The following KIAA1328 variants were observed in gnomAD, a reference collection of about 807,000 sequenced individuals.
The protein encoded by KIAA1328 is protein hinderin.
KIAA1328 carries 52 observed loss-of-function variants against 68.1 expected under a neutral mutation model. The observed-to-expected ratio is 0.76, with a 90% CI of 0.61 to 0.96. The LOEUF (loss-of-function observed/expected upper bound fraction) is 0.96, where lower values mean the gene tolerates loss of function less well. KIAA1328 is among the 40% of genes least tolerant of loss of function. The probability of loss-of-function intolerance (pLI) is 0.00; values close to 1 mark genes in which losing one functional copy is unlikely to be tolerated. For synonymous variants in KIAA1328, 232 were observed against 239.4 expected (o/e 0.97, Z 0.28); for missense variants, 641 against 677.6 (o/e 0.95, Z 0.60).
chr18:36,868,755 C>T (rs2047841773), intron 4 of KIAA1328, among the ~76,000 whole-genome samples: 1 of 152,150 alleles, frequency 6.6e-6, no homozygotes, highest in African/African-American at 2.4e-5. Flanking sequence ...CCAGTGAATA[C>T]TTGGGCACTA....
chr18:37,142,474 G>A (rs1048356708), intron 7 of KIAA1328, among the ~76,000 whole-genome samples: 2 of 152,104 alleles, frequency 1.3e-5, no homozygotes, highest in Admixed American at 1.3e-4. Flanking sequence ...GGGATTACAG[G>A]CGTGAGCTAC....
At chr18:37,051,416 A>G (rs527519621) in intron 6 of KIAA1328, among the ~76,000 whole-genome samples, 1 of 152,302 alleles carries the variant, frequency 6.6e-6, no homozygotes, top group East Asian at 1.9e-4. Context: ...AGAGACTACT[A>G]TGAACATCTC....
intron 1 of KIAA1328, among the ~76,000 whole-genome samples, chr18:36,831,780 A>G (rs900064516): frequency 2.0e-5 from 3 of 152,220 alleles, no homozygotes; most frequent in Non-Finnish European, 2.9e-5. Context: ...AGATTAGAGT[A>G]GAATGGGCAG....
chr18:36,993,422 A>G (rs2053267723), intron 6 of KIAA1328, among the ~76,000 whole-genome samples: 1 of 152,248 alleles, frequency 6.6e-6, no homozygotes, highest in Admixed American at 6.5e-5. Context: ...ATCTCTGAAT[A>G]TAATACAAAT....
intron 7 of KIAA1328, among the ~76,000 whole-genome samples, chr18:37,126,379 A>G (rs770725069): frequency 3.9e-5 from 6 of 152,168 alleles, no homozygotes; most frequent in Non-Finnish European, 7.4e-5. Flanking sequence ...AAAGACAAAA[A>G]CTACCAAAAG....
In KIAA1328 at chr18:37,100,055, G is replaced by A. The variant is rs370441147; in HGVS notation, c.1232+32510G>A. 2.0e-5 allele frequency among the ~76,000 whole-genome samples: 3 copies of A among 152,114 alleles called. No individual in the cohort carries two copies. The East Asian group carries it at 5.8e-4, about 29-fold the overall frequency. On this transcript the variant is annotated intron_variant, in intron 7 of 9. Transcript: ENST00000280020. Reference sequence around the variant, plus strand: ...ATTTGCCAGTCTGTGTCTTTTAATTGGAGCATTTAGCCCTCCAGTCTACAG... The same window carrying A: ...ATTTGCCAGTCTGTGTCTTTTAATTAGAGCATTTAGCCCTCCAGTCTACAG...
chr18:37,053,121 CATGAT>C (rs1431654045), intron 6 of KIAA1328, among the ~76,000 whole-genome samples: 2 of 152,154 alleles, frequency 1.3e-5, no homozygotes, highest in African/African-American at 4.8e-5. Context: ...ATCAGAATAG[CATGAT>C]ACTAGTACAA....
intron 9 of KIAA1328, among the ~76,000 whole-genome samples, chr18:37,221,168 C>G (rs2060555855): frequency 1.3e-5 from 2 of 152,148 alleles, no homozygotes; most frequent in African/African-American, 2.4e-5. Context: ...TGCACTTACC[C>G]TTTCTGAAAA....
chr18:37,096,595 TA>T (rs2057415799), intron 7 of KIAA1328, among the ~76,000 whole-genome samples: 1 of 152,176 alleles, frequency 6.6e-6, no homozygotes, highest in African/African-American at 2.4e-5. Flanking sequence ...ATATACCCAG[TA>T]ATGGGATTGC....
chr18:37,055,703 G>GT (rs1488149652), intron 6 of KIAA1328, among the ~76,000 whole-genome samples: 1 of 152,184 alleles, frequency 6.6e-6, no homozygotes, highest in East Asian at 1.9e-4. Flanking sequence ...CCACACAGTA[G>GT]TTTAGGTTTA....
At chr18:37,086,866 A>G (rs1224133208) in intron 7 of KIAA1328, among the ~76,000 whole-genome samples, 3 of 152,194 alleles carry the variant, frequency 2.0e-5, no homozygotes, top group Admixed American at 6.5e-5. Flanking sequence ...CTAAAAATGT[A>G]TGCTGATATG....
At chr18:36,961,176 C>T (rs1248581220) in intron 6 of KIAA1328, among the ~76,000 whole-genome samples, 1 of 152,088 alleles carries the variant, frequency 6.6e-6, no homozygotes, top group African/African-American at 2.4e-5. Flanking sequence ...TGTGCACAAG[C>T]TTCAATAGCT....
intron 5 of KIAA1328, among the ~76,000 whole-genome samples, chr18:36,909,890 T>G (rs2049367298): frequency 6.6e-6 from 1 of 152,256 alleles, no homozygotes; most frequent in Admixed American, 6.5e-5. Context: ...CTAGTGATGA[T>G]GAGCATTTTT....
At chr18:36,830,455 T>C (rs2046435064) in intron 1 of KIAA1328, among the ~76,000 whole-genome samples, 1 of 152,154 alleles carries the variant, frequency 6.6e-6, no homozygotes, top group Non-Finnish European at 1.5e-5. Context: ...AGTTAGGAAA[T>C]TGGGATAAGT....
At chr18:37,060,206 A>T (rs1240060461) in intron 6 of KIAA1328, among the ~76,000 whole-genome samples, 2 of 152,112 alleles carry the variant, frequency 1.3e-5, no homozygotes, top group Non-Finnish European at 2.9e-5. Context: ...TGTTCTTGGA[A>T]AATGTAGGGC....
intron 5 of KIAA1328, among the ~76,000 whole-genome samples, chr18:36,957,215 A>G (rs2051455762): frequency 6.6e-6 from 1 of 152,200 alleles, no homozygotes; most frequent in East Asian, 1.9e-4. Flanking sequence ...CTGAAACCAG[A>G]CACCATTTTG....
intron 5 of KIAA1328, among the ~76,000 whole-genome samples, chr18:36,954,206 G>A (rs2151245186): frequency 6.6e-6 from 1 of 151,998 alleles, no homozygotes; most frequent in Non-Finnish European, 1.5e-5. Flanking sequence ...GTTTCACCTT[G>A]TTAGCCAGGA....
intron 6 of KIAA1328, among the ~76,000 whole-genome samples, chr18:36,982,015 GA>G (rs2052708754): frequency 6.7e-6 from 1 of 148,620 alleles, no homozygotes; most frequent in South Asian, 2.1e-4. Flanking sequence ...CAGTTAGACA[GA>G]AAAAAGTGAT....
chr18:37,133,603 G>A (rs2058576076), intron 7 of KIAA1328, among the ~76,000 whole-genome samples: 2 of 145,744 alleles, frequency 1.4e-5, no homozygotes, highest in African/African-American at 2.6e-5. Flanking sequence ...TCTGCTCACT[G>A]CAAGCTCCGC....
Sources: allele counts gnomAD v4.1 joint callset (sites outside exome capture counted in the v4.1 genomes callset), GRCh38; gene constraint gnomAD v4.1.1; transcripts MANE v1.5; gene names NCBI Gene and HGNC (gene_info 2026-07-23, HGNC 2026-07-21).